The following ST3GAL3 variants were observed in gnomAD, a reference collection of about 807,000 sequenced individuals.
ST3GAL3 encodes the protein CMP-N-acetylneuraminate-beta-1,4-galactoside alpha-2,3-sialyltransferase.
A neutral mutation model predicts 50.1 loss-of-function variants in ST3GAL3; 21 were observed. That is an observed-to-expected ratio of 0.42 (90% CI 0.30 to 0.60). ST3GAL3 has a LOEUF of 0.60. Among genes scored for constraint, ST3GAL3 ranks in the 20% least tolerant of loss-of-function variants. The pLI is 0.19. For synonymous variants in ST3GAL3, 183 were observed against 190.0 expected, an observed-to-expected ratio of 0.96 and a Z score of 0.30; for missense variants, 353 against 489.4, an observed-to-expected ratio of 0.72 and a Z score of 2.63.
At chr1:43,895,172 C>T (rs1161642679) in intron 6 of ST3GAL3, among the ~76,000 whole-genome samples, 1 of 152,138 alleles carries the variant, frequency 6.6e-6, no homozygotes, top group Non-Finnish European at 1.5e-5. Context: ...GAGACTGTCC[C>T]CCAGGAGTGC....
At chr1:43,812,996 AG>A (rs2060745119) in intron 3 of ST3GAL3, among the ~76,000 whole-genome samples, 1 of 152,256 alleles carries the variant, frequency 6.6e-6, no homozygotes, top group Non-Finnish European at 1.5e-5. Flanking sequence ...TGAATTGAAA[AG>A]AAAAGACATT....
chr1:43,846,639 C>T (rs2066301571), intron 5 of ST3GAL3, among the ~76,000 whole-genome samples: 1 of 152,146 alleles, frequency 6.6e-6, no homozygotes, highest in South Asian at 2.1e-4. Flanking sequence ...GCTGGGACCA[C>T]AAACACATGT....
intron 9 of ST3GAL3, among the ~76,000 whole-genome samples, chr1:43,908,772 C>T (rs1454347154): frequency 6.6e-6 from 1 of 152,130 alleles, no homozygotes; most frequent in African/African-American, 2.4e-5. Flanking sequence ...GCTGAGATTA[C>T]AGGTGCCTGC....
At chr1:43,809,992 CAAA>C (rs111982954) in intron 3 of ST3GAL3, among the ~76,000 whole-genome samples, 10 of 78,426 alleles carry the variant, frequency 1.3e-4, no homozygotes, top group Non-Finnish European at 1.5e-4. Flanking sequence ...GACCCTGTCT[CAAA>C]AAAAAAAAAA....
intron 4 of ST3GAL3, among the ~76,000 whole-genome samples, chr1:43,827,910 C>A (rs778017147): frequency 6.6e-6 from 1 of 151,976 alleles, no homozygotes; most frequent in Non-Finnish European, 1.5e-5. Flanking sequence ...CAACAACTTA[C>A]GTTAAAATTT....
At chr1:43,921,086 C>G (rs747662762) in intron 11 of ST3GAL3, 158 bp downstream of exon 11, 1 of 883,640 alleles carries the variant, frequency 1.1e-6, no homozygotes, top group Non-Finnish European at 1.7e-6. Context: ...CAGCCTCCCA[C>G]TGAACCCAGG....
Position 43,899,415 on chromosome 1 carries a change from C to T in ST3GAL3, c.558-126C>T, listed in dbSNP as rs143935765. 6.4e-4 allele frequency: 1,001 copies of T among 1,572,246 alleles called. 6 individuals carry two copies. The African/African-American group carries it at 0.011, about 18-fold the overall frequency. On this transcript the variant is annotated intron_variant, in intron 8 of 11. Transcript: ENST00000347631. This position sits in a 1 kb window ranked among gnomAD's most constrained non-coding sequence, Gnocchi z 5.4. ...GGAGGGCTTTGGAACAGACAACTAG[C>T]GGGGGCACCTGGGGAGAATAGGTCC...
At chr1:43,896,896 C>G (rs763615715) in intron 6 of ST3GAL3, 1 of 151,886 alleles carries the variant, frequency 6.6e-6, no homozygotes, top group Non-Finnish European at 1.5e-5. Flanking sequence ...AATATAGTAC[C>G]GCTCTTACAT....
intron 4 of ST3GAL3, among the ~76,000 whole-genome samples, chr1:43,819,786 C>G (rs185486309): frequency 2.0e-5 from 3 of 152,164 alleles, no homozygotes; most frequent in Non-Finnish European, 2.9e-5. Flanking sequence ...ACTCCCCCCT[C>G]TAGTAGTACC....
chr1:43,713,424 AAC>A (rs746350233), intron 1 of ST3GAL3, among the ~76,000 whole-genome samples: 39 of 152,208 alleles, frequency 2.6e-4, no homozygotes, highest in East Asian at 7.7e-4. Flanking sequence ...AATAATAAAA[AAC>A]AGTTATAATA....
chr1:43,894,517 C>T, intron 6 of ST3GAL3, 40 bp downstream of exon 6: 1 of 1,567,602 alleles, frequency 6.4e-7, no homozygotes. Flanking sequence ...ATCTCATCCC[C>T]CCGACTGTCT....
chr1:43,851,579 C>T (rs1046050303), intron 5 of ST3GAL3: 31 of 1,457,350 alleles, frequency 2.1e-5, no homozygotes, highest in African/African-American at 9.8e-5. Flanking sequence ...CGAAATTCTC[C>T]GAGGTAATCA....
At chr1:43,741,002 C>T (rs937239589) in intron 2 of ST3GAL3, among the ~76,000 whole-genome samples, 1 of 152,016 alleles carries the variant, frequency 6.6e-6, no homozygotes, top group African/African-American at 2.4e-5. Context: ...GTAGATCTTT[C>T]ATAGGATTAG....
chr1:43,819,518 C>A (rs1252547306), intron 4 of ST3GAL3, among the ~76,000 whole-genome samples: 1 of 152,208 alleles, frequency 6.6e-6, no homozygotes, highest in Non-Finnish European at 1.5e-5. Flanking sequence ...TTGGCTTTGG[C>A]CCACAAGTGT....
chr1:43,722,459 G>A (rs140528667), intron 1 of ST3GAL3, among the ~76,000 whole-genome samples: 11 of 152,206 alleles, frequency 7.2e-5, no homozygotes, highest in East Asian at 3.8e-4. Context: ...AATGGGAAAT[G>A]TATGAAGTTT....
intron 2 of ST3GAL3, chr1:43,771,770 G>A (rs1282155493): frequency 1.1e-4 from 39 of 352,694 alleles, no homozygotes; most frequent in Middle Eastern, 1.5e-3. Context: ...GTGTGTGTGT[G>A]TATAGTATCT....
At chr1:43,753,792 A>G (rs948591150) in intron 2 of ST3GAL3, among the ~76,000 whole-genome samples, 1 of 152,084 alleles carries the variant, frequency 6.6e-6, no homozygotes, top group African/African-American at 2.4e-5. Context: ...TCTTTATATC[A>G]TAGCCTTCTC....
chr1:43,812,495 C>T (rs890884564), intron 3 of ST3GAL3, among the ~76,000 whole-genome samples: 7 of 152,184 alleles, frequency 4.6e-5, no homozygotes, highest in African/African-American at 9.7e-5. Context: ...GACTCTTCAC[C>T]GTGTTGCCCA....
chr1:43,743,021 C>T (rs755126312), intron 2 of ST3GAL3, among the ~76,000 whole-genome samples: 21 of 148,770 alleles, frequency 1.4e-4, no homozygotes, highest in Non-Finnish European at 2.7e-4. Context: ...TTGCTTGAGG[C>T]GGAGCTTGCA....
Sources: gnomAD v4.1 joint callset for allele counts (sites outside exome capture counted in the v4.1 genomes callset) on GRCh38, gnomAD v4.1.1 for gene constraint, Gnocchi (gnomAD v3.1) non-coding constraint, MANE v1.5 for transcripts, NCBI Gene and HGNC (gene_info 2026-07-23, HGNC 2026-07-21) for gene names.